Variants in KIAA0319L observed in about 807,000 individuals in gnomAD.
KIAA0319L encodes dyslexia-associated protein KIAA0319-like protein.
A neutral mutation model predicts 120.1 loss-of-function variants in KIAA0319L; 55 were observed. The ratio of observed to expected loss-of-function variants is 0.46; its 90% CI spans 0.37 to 0.57. The LOEUF (loss-of-function observed/expected upper bound fraction) is 0.57. Ranked by LOEUF, KIAA0319L falls within the 20% of genes least tolerant of loss-of-function variation. The pLI is 0.00. For missense variants in KIAA0319L, 1,049 were observed against 1,255.3 expected (o/e 0.84, Z 2.48); for synonymous variants, 398 against 471.9 (o/e 0.84, Z 2.03).
chr1:35,539,320 T>G (rs902214465), intron 2 of KIAA0319L, among the ~76,000 whole-genome samples: 1 of 152,240 alleles, frequency 6.6e-6, no homozygotes, highest in Non-Finnish European at 1.5e-5. Flanking sequence ...CTTTTGTTTC[T>G]GCCTTGAACA....
intron 9 of KIAA0319L, among the ~76,000 whole-genome samples, chr1:35,460,092 G>C (rs1339873307): frequency 6.6e-6 from 1 of 152,186 alleles, no homozygotes; most frequent in African/African-American, 2.4e-5. Flanking sequence ...GGCAGATCCT[G>C]ATCTACTATA....
At chr1:35,485,763 C>CCCAAATT (rs1011330970) in intron 3 of KIAA0319L, among the ~76,000 whole-genome samples, 12 of 152,230 alleles carry the variant, frequency 7.9e-5, no homozygotes, top group Admixed American at 2.0e-4. Context: ...CACATTAAGT[C>CCCAAATT]TACCCCCTCT....
Position 35,450,340 on chromosome 1 carries a change from A to T in KIAA0319L, c.2214+18T>A. ...CCTCCCCACTCCTGTGTAGCTCTCC[A>T]GCTCCTAGCACACTTACCCCTGCTG... On this transcript the variant is annotated intron_variant, in intron 14 of 20. Coordinates refer to ENST00000325722, the MANE Select transcript of KIAA0319L (RefSeq NM_024874.5). The T allele has an allele frequency of 6.2e-7, 1 of 1,607,614 alleles. No individual in the cohort carries two copies. Among genetic ancestry groups the T allele is most frequent in the Non-Finnish European group, 8.5e-7 (1 of 1,176,078 alleles).
At position 35,448,219 on chromosome 1, in the gene KIAA0319L, CCAG is replaced by C. The variant is rs773884840; in HGVS notation, c.2464_2466del (p.Leu822del). 1.2e-6 allele frequency: 2 copies of C among 1,614,082 alleles called. No homozygotes were observed. Among genetic ancestry groups the C allele is most frequent in the Non-Finnish European group, 1.7e-6 (2 of 1,179,986 alleles). ...ATCTTTTGCACAATGATGTCGGAAT[CCAG>C]CACCCCCAGGAGGACCCCAATCTGG... is the stretch of plus-strand genomic sequence containing the variant. On this transcript the variant is annotated inframe_deletion, in exon 16 of 21. Transcript: ENST00000325722.
intron 2 of KIAA0319L, among the ~76,000 whole-genome samples, chr1:35,541,917 G>A (rs565048736): frequency 6.6e-5 from 10 of 152,228 alleles, no homozygotes; most frequent in African/African-American, 2.4e-4. Context: ...TTACAATCAC[G>A]GAAAATGCAC....
intron 2 of KIAA0319L, among the ~76,000 whole-genome samples, chr1:35,547,486 C>T (rs888647557): frequency 4.0e-5 from 6 of 151,760 alleles, no homozygotes; most frequent in Non-Finnish European, 8.8e-5. Flanking sequence ...TAGAAACAAC[C>T]CAATGTCCAT....
At chr1:35,465,413 A>T (rs1643186259) in intron 7 of KIAA0319L, among the ~76,000 whole-genome samples, 1 of 152,186 alleles carries the variant, frequency 6.6e-6, no homozygotes, top group South Asian at 2.1e-4. Context: ...TGGGGCCTGT[A>T]ACCCCTCTGT....
In KIAA0319L at chr1:35,434,296, C is replaced by G. The variant is rs1558236446; in HGVS notation, c.*598G>C. 1 of 152,038 alleles carries G rather than the reference C, an allele frequency of 6.6e-6. No homozygotes were observed. The highest frequency in any genetic ancestry group is 2.4e-5 in the African/African-American group (1 of 41,346). The allele number at this position is 152,038 out of a possible 1,614,324, so 9.4% of individuals were successfully genotyped here. On this transcript the variant is annotated 3_prime_UTR_variant, in exon 21 of 21. Transcript: ENST00000325722. ...TAGAGATGGGGTTTCACCGTGTTAG[C>G]CAGGGTGGTCTTGATCTCCTGACCT...
At chr1:35,529,656 G>A (rs1463237214) in intron 2 of KIAA0319L, among the ~76,000 whole-genome samples, 1 of 152,146 alleles carries the variant, frequency 6.6e-6, no homozygotes, top group Non-Finnish European at 1.5e-5. Context: ...GGCTTGCAAG[G>A]TTTCTGCTGA....
At chr1:35,461,998 C>A (rs1239778668) in intron 8 of KIAA0319L, among the ~76,000 whole-genome samples, 1 of 152,126 alleles carries the variant, frequency 6.6e-6, no homozygotes, top group Non-Finnish European at 1.5e-5. Context: ...CAAAACAAAA[C>A]AAAACCAAAA....
chr1:35,454,667 G>A lies in KIAA0319L; in HGVS notation c.1657-182C>T, dbSNP rs1642314466. ...CAGATATCATGAGGCACCTTGCTAA[G>A]GGTTTCCCCCTTCAAGGAAACAACC... On this transcript the variant is annotated intron_variant, in intron 10 of 20. Coordinates refer to ENST00000325722, the MANE Select transcript of KIAA0319L (RefSeq NM_024874.5). The A allele has an allele frequency of 6.5e-6, 9 of 1,381,942 alleles. 1 individual carries two copies. In the South Asian group the frequency reaches 1.6e-4, roughly 24 times the overall value. The allele number at this position is 1,381,942 out of a possible 1,614,324, so 85.6% of individuals were successfully genotyped here.
At chr1:35,539,206 A>G (rs1381159287) in intron 2 of KIAA0319L, among the ~76,000 whole-genome samples, 1 of 152,158 alleles carries the variant, frequency 6.6e-6, no homozygotes, top group Non-Finnish European at 1.5e-5. Flanking sequence ...CAACCCCCAC[A>G]TGAAATACAA....
At chr1:35,474,692 A>G in intron 5 of KIAA0319L, 113 bp downstream of exon 5, 1 of 623,128 alleles carries the variant, frequency 1.6e-6, no homozygotes, top group East Asian at 2.9e-5. Flanking sequence ...TAGGAAGACT[A>G]AGGTGGGAGG....
At position 35,535,403 on chromosome 1, in the gene KIAA0319L, C is replaced by A. The variant is rs767610618; in HGVS notation, c.142+18947G>T. On this transcript the variant is annotated intron_variant, in intron 2 of 20. Transcript: ENST00000325722. The stretch of plus-strand genomic sequence containing the variant: ...AACAGCCCTATTCCACAATTGCTCT[C>A]TTCTATCTTTTGGCCCCCACCCCAA... Among the ~76,000 whole-genome samples the A allele has an allele frequency of 2.6e-5, 4 of 152,044 alleles. No individual in the cohort carries two copies. In the East Asian group the frequency reaches 7.8e-4, roughly 30 times the overall value.
At chr1:35,514,629 C>G (rs540335585) in intron 2 of KIAA0319L, among the ~76,000 whole-genome samples, 38 of 152,144 alleles carry the variant, frequency 2.5e-4, no homozygotes, top group Admixed American at 1.4e-3. Flanking sequence ...CAACAAAGAT[C>G]AAAAAAGACA....
chr1:35,531,003 A>G (rs556032911), intron 2 of KIAA0319L, among the ~76,000 whole-genome samples: 1 of 152,298 alleles, frequency 6.6e-6, no homozygotes, highest in East Asian at 1.9e-4. Context: ...CAGCAGCCCT[A>G]CTTGTGGGAG....
intron 1 of KIAA0319L, chr1:35,554,742 T>A: frequency 3.1e-5 from 10 of 323,918 alleles, no homozygotes; most frequent in Non-Finnish European, 3.9e-5. Flanking sequence ...CACTGAAAAC[T>A]GAAACTTTAT....
intron 9 of KIAA0319L, 127 bp from the exon 10 acceptor site, chr1:35,456,368 A>G: frequency 1.6e-6 from 1 of 607,984 alleles, no homozygotes; most frequent in Non-Finnish European, 2.8e-6. Context: ...ACCCACTTCT[A>G]TTGGAGAAGC....
At chr1:35,438,457 T>C (rs943092632) in intron 20 of KIAA0319L, 1 of 151,338 alleles carries the variant, frequency 6.6e-6, no homozygotes, top group Non-Finnish European at 1.5e-5. Context: ...ACATTCTATC[T>C]AACTTCCTTT....
Sources: gnomAD v4.1 joint callset for allele counts (sites outside exome capture counted in the v4.1 genomes callset) on GRCh38, gnomAD v4.1.1 for gene constraint, MANE v1.5 for transcripts, NCBI Gene and HGNC (gene_info 2026-07-23, HGNC 2026-07-21) for gene names.